The following TRIM16 variants were observed in gnomAD, a reference collection of about 807,000 sequenced individuals.
TRIM16 encodes tripartite motif-containing protein 16.
In TRIM16, 33 loss-of-function variants were observed where a neutral mutation model predicts 50.4. The observed-to-expected ratio is 0.65, with a 90% CI of 0.50 to 0.88. The LOEUF is 0.88. TRIM16 is among the 40% of genes least tolerant of loss of function. The pLI, the probability that TRIM16 is intolerant of heterozygous loss-of-function variation, is 0.00. For synonymous variants in TRIM16, 229 were observed against 270.7 expected (o/e 0.85, Z 1.51); for missense variants, 581 against 686.8 (o/e 0.85, Z 1.72).
chr17:15,630,320 C>T (rs1986350716), intron 11 of TRIM16, among the ~76,000 whole-genome samples: 1 of 152,152 alleles, frequency 6.6e-6, no homozygotes, highest in African/African-American at 2.4e-5. Context: ...CACTCTCTCC[C>T]AGAGCACCAT....
At chr17:15,655,953 A>G (rs1987959443) in intron 6 of TRIM16, among the ~76,000 whole-genome samples, 1 of 152,178 alleles carries the variant, frequency 6.6e-6, no homozygotes, top group African/African-American at 2.4e-5. Context: ...ATCAATTTCT[A>G]GTTTGGCCCT....
At chr17:15,647,232 A>C (rs1299374687) in intron 7 of TRIM16, among the ~76,000 whole-genome samples, 1 of 151,118 alleles carries the variant, frequency 6.6e-6, no homozygotes, top group African/African-American at 2.5e-5. Context: ...TCGGCCTGCC[A>C]AAGTGCTGGG....
At chr17:15,678,878 C>CTTTTTT (rs55929822) in intron 4 of TRIM16, among the ~76,000 whole-genome samples, 1 of 75,352 alleles carries the variant, frequency 1.3e-5, no homozygotes, top group African/African-American at 3.5e-5. Flanking sequence ...GCAGACTCTC[C>CTTTTTT]TTTTTTTTTT....
chr17:15,670,910 G>A (rs1401442803), intron 6 of TRIM16, among the ~76,000 whole-genome samples: 2 of 152,250 alleles, frequency 1.3e-5, no homozygotes, highest in African/African-American at 2.4e-5. Context: ...AATGAATATT[G>A]TCTAATGTCT....
rs548840787 is a variant in TRIM16 at position 15,638,706 on chromosome 17, G to GAA, written c.616-2438_616-2437insTT. Reference sequence around the variant, plus strand: ...GCACCTCCCATCCCTGGCAAGGAAGGAGAGAGGGAGAGAGGGAGGGAGAAT... The same window carrying GAA: ...GCACCTCCCATCCCTGGCAAGGAAGGAAAGAGAGGGAGAGAGGGAGGGAGAAT... On this transcript the variant is annotated intron_variant, in intron 8 of 11. Transcript: ENST00000649191. 1.3e-4 allele frequency among the ~76,000 whole-genome samples: 20 copies of GAA among 148,616 alleles called. 1 individual carries two copies. The highest frequency in any genetic ancestry group is 2.4e-4 in the Non-Finnish European group (16 of 67,034).
chr17:15,633,931 ATG>A (rs1986568689), intron 9 of TRIM16, among the ~76,000 whole-genome samples: 1 of 148,940 alleles, frequency 6.7e-6, no homozygotes, highest in Non-Finnish European at 1.5e-5. Flanking sequence ...GCAGTGGCTC[ATG>A]CCTGCAATCC....
intron 8 of TRIM16, among the ~76,000 whole-genome samples, chr17:15,637,116 G>C (rs1453874307): frequency 1.6e-4 from 4 of 24,794 alleles, no homozygotes; most frequent in East Asian, 6.6e-4. Flanking sequence ...GGAGGGAGGT[G>C]GGGGGGGGGG....
intron 6 of TRIM16, among the ~76,000 whole-genome samples, chr17:15,669,675 A>T (rs1988643987): frequency 6.6e-6 from 1 of 152,222 alleles, no homozygotes; most frequent in South Asian, 2.1e-4. Context: ...TCGCTATTAC[A>T]ATCAACTGCT....
intron 6 of TRIM16, among the ~76,000 whole-genome samples, chr17:15,676,259 G>A (rs1011044251): frequency 6.6e-6 from 1 of 152,018 alleles, no homozygotes; most frequent in Non-Finnish European, 1.5e-5. Flanking sequence ...GGGCAAACTT[G>A]CCCCTGGTTA....
Position 15,651,545 on chromosome 17 carries a change from G to A in TRIM16, c.65C>T (p.Pro22Leu), listed in dbSNP as rs759950650. The A allele has an allele frequency of 3.1e-6, 5 of 1,614,046 alleles. No homozygotes were observed. In the Admixed American group the frequency reaches 5.0e-5, roughly 16 times the overall value. Residue 22 changes from proline to leucine, a missense_variant, in exon 7 of 12, where the codon CCT becomes CTT. Coordinates refer to ENST00000649191, the MANE Select transcript of TRIM16 (RefSeq NM_001348119.1). ...LPRATAQPPA[P>L]LSPDSGSPSP... ...GGGTGACCCAGAGTCTGGGCTGAGA[G>A]GGGCTGGGGGCTGAGCAGTGGCCCT...
chr17:15,638,288 G>C (rs1986946489), intron 8 of TRIM16, among the ~76,000 whole-genome samples: 1 of 142,942 alleles, frequency 7.0e-6, no homozygotes, highest in Non-Finnish European at 1.5e-5. Flanking sequence ...AATTGGTGTA[G>C]ACAGCCGGGT....
chr17:15,676,710 T>C (rs1437839197), intron 6 of TRIM16, among the ~76,000 whole-genome samples: 2 of 152,186 alleles, frequency 1.3e-5, no homozygotes, highest in Non-Finnish European at 2.9e-5. Context: ...GCTGGGATTA[T>C]AGGCGTGAGC....
chr17:15,660,320 T>A (rs940549325), intron 6 of TRIM16, among the ~76,000 whole-genome samples: 3 of 152,150 alleles, frequency 2.0e-5, no homozygotes, highest in Admixed American at 2.0e-4. Flanking sequence ...ATAAACAACA[T>A]AGTCTGCCTC....
Position 15,666,978 on chromosome 17 carries a change from G to C in TRIM16, c.-338+10198C>G, listed in dbSNP as rs562288568. On this transcript the variant is annotated intron_variant, in intron 6 of 11. Coordinates refer to ENST00000649191, the MANE Select transcript of TRIM16 (RefSeq NM_001348119.1). ...CAGTCTAATAATCTCTGCCTTGGGG[G>C]GGCGGTGGATGGAGCAGAACTAATA... Among the ~76,000 whole-genome samples, 17 of 152,294 alleles carry C rather than the reference G, an allele frequency of 1.1e-4. No individual in the cohort carries two copies. The South Asian group carries it at 3.1e-3, about 28-fold the overall frequency.
chr17:15,634,205 T>C (rs1168978413), intron 9 of TRIM16, among the ~76,000 whole-genome samples: 1 of 148,612 alleles, frequency 6.7e-6, no homozygotes, highest in African/African-American at 2.5e-5. Flanking sequence ...GGCGGGCGCC[T>C]GTAGTCCCAG....
chr17:15,631,815 A>G (rs1768320559), intron 10 of TRIM16, 101 bp from the exon 11 acceptor site: 11 of 1,053,152 alleles, frequency 1.0e-5, no homozygotes, highest in Admixed American at 5.6e-5. Flanking sequence ...TTCCTGGGGA[A>G]AGAAGGGGCT....
intron 6 of TRIM16, among the ~76,000 whole-genome samples, chr17:15,664,863 C>T (rs908528108): frequency 6.6e-6 from 1 of 152,056 alleles, no homozygotes; most frequent in South Asian, 2.1e-4. Flanking sequence ...GAAACCCCGA[C>T]TCTACTAAAA....
chr17:15,637,228 A>G (rs2150903885), intron 8 of TRIM16, among the ~76,000 whole-genome samples: 1 of 130,716 alleles, frequency 7.7e-6, no homozygotes, highest in Non-Finnish European at 1.6e-5. Context: ...TGGGGGGGTC[A>G]GCCCCCCGCC....
At chr17:15,678,210 C>T (rs1427600173) in intron 4 of TRIM16, among the ~76,000 whole-genome samples, 6 of 149,278 alleles carry the variant, frequency 4.0e-5, no homozygotes, top group African/African-American at 1.2e-4. Flanking sequence ...CAGAACGAGA[C>T]TGTGTCTCAA....
Sources: allele counts gnomAD v4.1 joint callset (sites outside exome capture counted in the v4.1 genomes callset), GRCh38; gene constraint gnomAD v4.1.1; transcripts MANE v1.5; gene names NCBI Gene and HGNC (gene_info 2026-07-23, HGNC 2026-07-21).